The following CABCOCO1 variants were observed in gnomAD, a reference collection of about 807,000 sequenced individuals.
CABCOCO1 encodes ciliary-associated calcium-binding coiled-coil protein 1.
Under a neutral mutation model 35.7 loss-of-function variants are expected in CABCOCO1, and 28 were observed. That is an observed-to-expected ratio of 0.78 (90% CI 0.58 to 1.07). The LOEUF (loss-of-function observed/expected upper bound fraction) is 1.07. Among genes scored for constraint, CABCOCO1 ranks in the 50% least tolerant of loss-of-function variants. The probability of loss-of-function intolerance (pLI) is 0.00; values close to 1 mark genes in which losing one functional copy is unlikely to be tolerated. For synonymous variants in CABCOCO1, 95 were observed against 100.1 expected, an observed-to-expected ratio of 0.95 and a Z score of 0.30; for missense variants, 326 against 309.2, an observed-to-expected ratio of 1.05 and a Z score of -0.41.
intron 5 of CABCOCO1, among the ~76,000 whole-genome samples, chr10:61,695,478 T>C (rs1398372685): frequency 1.3e-5 from 2 of 152,044 alleles, no homozygotes; most frequent in Non-Finnish European, 2.9e-5. Context: ...CAGTAGGACA[T>C]AGATTTAGGA....
chr10:61,673,442 T>C (rs983440914), intron 2 of CABCOCO1, among the ~76,000 whole-genome samples: 2 of 152,192 alleles, frequency 1.3e-5, no homozygotes, highest in African/African-American at 4.8e-5. Flanking sequence ...AGAGTGGGGA[T>C]GATGTCATGC....
At chr10:61,759,239 G>A (rs1300436342) in intron 5 of CABCOCO1, among the ~76,000 whole-genome samples, 1 of 152,104 alleles carries the variant, frequency 6.6e-6, no homozygotes, top group South Asian at 2.1e-4. Context: ...AAGTGGGCAC[G>A]TCTCTACAGA....
rs71018996 is a variant in CABCOCO1, at chr10:61,720,917, C to CTT, written c.552+30320_552+30321dup. On this transcript the variant is annotated intron_variant, in intron 5 of 7. Coordinates refer to ENST00000648843, the MANE Select transcript of CABCOCO1 (RefSeq NM_001366906.2). ...TGCTTTTTCTTCTTTTCTTTTCATTCTTTTTTTTTTTTTTTTTTTTTTTTT... is the reference window on the plus strand; with the variant it reads ...TGCTTTTTCTTCTTTTCTTTTCATTCTTTTTTTTTTTTTTTTTTTTTTTTTTT... 4.5e-3 allele frequency among the ~76,000 whole-genome samples: 299 copies of CTT among 65,982 alleles called. 9 individuals are homozygous for CTT. The highest frequency in any genetic ancestry group is 9.3e-3 in the East Asian group (24 of 2,594). 43.3% of individuals were successfully genotyped at this position (65,982 alleles called of 152,430 possible).
intron 5 of CABCOCO1, among the ~76,000 whole-genome samples, chr10:61,729,271 G>T (rs1193179711): frequency 6.6e-6 from 1 of 151,982 alleles, no homozygotes; most frequent in East Asian, 1.9e-4. Flanking sequence ...TCATTTTCTA[G>T]TAATTGTTGT....
At chr10:61,737,863 A>C (rs924360756) in intron 5 of CABCOCO1, among the ~76,000 whole-genome samples, 7 of 152,082 alleles carry the variant, frequency 4.6e-5, no homozygotes, top group Admixed American at 2.0e-4. Flanking sequence ...GTACTGAGTT[A>C]AGTACCTGGG....
At chr10:61,680,555 A>ATATGTTATATTATGTT (rs1491468579) in intron 2 of CABCOCO1, among the ~76,000 whole-genome samples, 7 of 19,142 alleles carry the variant, frequency 3.7e-4, no homozygotes, top group African/African-American at 5.4e-4. Context: ...TATAACATAT[A>ATATGTTATATTATGTT]ATATATATTT....
At chr10:61,730,417 A>C (rs1337997190) in intron 5 of CABCOCO1, among the ~76,000 whole-genome samples, 8 of 152,138 alleles carry the variant, frequency 5.3e-5, no homozygotes, top group Non-Finnish European at 1.2e-4. Flanking sequence ...TACAGTTATG[A>C]ATAGGTAAAT....
chr10:61,713,768 CAT>C (rs1840790545), intron 5 of CABCOCO1, among the ~76,000 whole-genome samples: 1 of 152,114 alleles, frequency 6.6e-6, no homozygotes, highest in African/African-American at 2.4e-5. Context: ...TTGAGATAAT[CAT>C]GTGGTTTTTG....
intron 5 of CABCOCO1, among the ~76,000 whole-genome samples, chr10:61,734,496 T>C (rs1335778245): frequency 6.9e-6 from 1 of 144,126 alleles, no homozygotes; most frequent in Non-Finnish European, 1.6e-5. Flanking sequence ...ATTAAGACTT[T>C]ATTCAAGAAG....
chr10:61,749,634 T>C (rs1485154424), intron 5 of CABCOCO1, among the ~76,000 whole-genome samples: 4 of 152,242 alleles, frequency 2.6e-5, no homozygotes, highest in Non-Finnish European at 4.4e-5. Flanking sequence ...CATTTTACTT[T>C]TCTGAACCTG....
intron 5 of CABCOCO1, among the ~76,000 whole-genome samples, chr10:61,698,326 A>T (rs1840348801): frequency 6.6e-6 from 1 of 152,188 alleles, no homozygotes. Flanking sequence ...CCCATTGCAC[A>T]GCTCCAGGGG....
At chr10:61,680,385 AATAT>A (rs71018991) in intron 2 of CABCOCO1, among the ~76,000 whole-genome samples, 11 of 134,644 alleles carry the variant, frequency 8.2e-5, no homozygotes, top group African/African-American at 2.6e-4. Context: ...TATAACATAT[AATAT>A]ATATATTTTT....
chr10:61,760,080 T>C lies in CABCOCO1; in HGVS notation c.574T>C (p.Ser192Pro). 2 of 1,612,894 alleles carry C rather than the reference T, an allele frequency of 1.2e-6. No homozygotes were observed. Among genetic ancestry groups the C allele is most frequent in the Non-Finnish European group, 1.7e-6 (2 of 1,179,258 alleles). The change falls in exon 6 of 8, where the codon TCT becomes CCT. Residue 192 changes from serine (S) to proline (P), a missense_variant. Transcript: ENST00000648843. ...GTEQVIEVVKSACGPFPNPLE... is the reference protein window; with the variant it reads ...GTEQVIEVVKPACGPFPNPLE... ...TCAGCAAGTGATAGAGGTTGTCAAG[T>C]CTGCATGTGGCCCTTTCCCAAATCC...
intron 2 of CABCOCO1, among the ~76,000 whole-genome samples, chr10:61,680,644 A>AACATATGTTATACATGTATAAC (rs1491274074): frequency 1.1e-5 from 1 of 92,124 alleles, no homozygotes; most frequent in Non-Finnish European, 2.1e-5. Flanking sequence ...ATACATATAT[A>AACATATGTTATACATGTATAAC]ATATATATTA....
At chr10:61,700,592 A>T (rs1840422766) in intron 5 of CABCOCO1, among the ~76,000 whole-genome samples, 1 of 152,092 alleles carries the variant, frequency 6.6e-6, no homozygotes, top group Non-Finnish European at 1.5e-5. Context: ...GTGGTTTGGC[A>T]AGATATATCA....
At chr10:61,673,021 T>C (rs1441441814) in intron 2 of CABCOCO1, among the ~76,000 whole-genome samples, 1 of 152,212 alleles carries the variant, frequency 6.6e-6, no homozygotes, top group Non-Finnish European at 1.5e-5. Flanking sequence ...TCTTCTTTTC[T>C]CTTTCATTCA....
intron 5 of CABCOCO1, among the ~76,000 whole-genome samples, chr10:61,753,853 A>G (rs761052077): frequency 5.3e-5 from 8 of 152,160 alleles, no homozygotes; most frequent in Non-Finnish European, 7.4e-5. Context: ...TATGTTTGAT[A>G]CTTTAAAGAC....
rs73289562 is a variant in CABCOCO1 at position 61,750,063 on chromosome 10, T to A, written c.553-9996T>A. 5.5e-3 allele frequency among the ~76,000 whole-genome samples: 831 copies of A among 151,638 alleles called. 10 individuals are homozygous for A. Among genetic ancestry groups the A allele is most frequent in the African/African-American group, 0.018 (750 of 41,388 alleles). On this transcript the variant is annotated intron_variant, in intron 5 of 7. Transcript: ENST00000648843. ...CCATTGAACAACTCCAGTGGGTACCTTTCACATTGTATTGTGAGTGGGGGA... is the reference window on the plus strand; with the variant it reads ...CCATTGAACAACTCCAGTGGGTACCATTCACATTGTATTGTGAGTGGGGGA...
chr10:61,765,861 G>A, intron 7 of CABCOCO1, 78 bp from the exon 8 acceptor site: 6 of 1,321,448 alleles, frequency 4.5e-6, no homozygotes, highest in Non-Finnish European at 6.5e-6. Context: ...AGGCACTATA[G>A]TATGTCAAAA....
Sources: gnomAD v4.1 joint callset for allele counts (sites outside exome capture counted in the v4.1 genomes callset) on GRCh38, gnomAD v4.1.1 for gene constraint, MANE v1.5 for transcripts, NCBI Gene and HGNC (gene_info 2026-07-23, HGNC 2026-07-21) for gene names.